The following YES1 variants were observed in gnomAD, a reference collection of about 807,000 sequenced individuals.
The protein encoded by YES1 is tyrosine-protein kinase Yes.
Under a neutral mutation model 70.4 loss-of-function variants are expected in YES1, and 39 were observed. That is an observed-to-expected ratio of 0.55 (90% CI 0.43 to 0.72). The LOEUF (loss-of-function observed/expected upper bound fraction) is 0.72, where lower values mean the gene tolerates loss of function less well. YES1 is among the 30% of genes least tolerant of loss of function. The probability of loss-of-function intolerance (pLI) is 0.00; values close to 1 mark genes in which losing one functional copy is unlikely to be tolerated. For missense variants in YES1, 495 were observed against 644.8 expected (o/e 0.77, Z 2.52); for synonymous variants, 198 against 218.6 (o/e 0.91, Z 0.83).
chr18:806,532 A>G (rs1443023510), intron 1 of YES1, among the ~76,000 whole-genome samples: 1 of 152,226 alleles, frequency 6.6e-6, no homozygotes, highest in Non-Finnish European at 1.5e-5. Context: ...TGTAATTCAT[A>G]TAAATCTGCC....
At chr18:785,258 G>A (rs2145805031) in intron 1 of YES1, among the ~76,000 whole-genome samples, 1 of 152,138 alleles carries the variant, frequency 6.6e-6, no homozygotes, top group South Asian at 2.1e-4. Flanking sequence ...CAAAATGTTG[G>A]ACACTGGTGG....
chr18:786,751 T>G (rs997985562), intron 1 of YES1, among the ~76,000 whole-genome samples: 8 of 152,200 alleles, frequency 5.3e-5, no homozygotes, highest in Admixed American at 1.3e-4. Context: ...CAAGTTTTTA[T>G]ATGGTCAAGC....
At chr18:737,598 C>T (rs958853727) in intron 9 of YES1, 6 of 152,200 alleles carry the variant, frequency 3.9e-5, no homozygotes, top group African/African-American at 1.4e-4. Flanking sequence ...TCAGGCACAA[C>T]CTAAGATGAC....
rs879093682 is a variant in YES1 at position 722,035 on chromosome 18, C to CT, written c.*2388_*2389insA. ...AAGTTAGTGTTTTATCCCTACTATA[C>CT]AATTGTTATTATATAAGGAACTGCT... is the stretch of plus-strand genomic sequence containing the variant. On this transcript the variant is annotated 3_prime_UTR_variant, in exon 12 of 12. Coordinates refer to ENST00000314574, the MANE Select transcript of YES1 (RefSeq NM_005433.4). The CT allele has an allele frequency of 2.0e-5, 3 of 152,590 alleles. No individual in the cohort carries two copies. The South Asian group carries it at 6.2e-4, about 32-fold the overall frequency. 9.5% of individuals were successfully genotyped at this position (152,590 alleles called of 1,614,324 possible). A position where few individuals can be genotyped will look rare whatever the true frequency, so the allele number is the denominator to read the frequency against.
intron 11 of YES1, among the ~76,000 whole-genome samples, chr18:730,489 A>C (rs1023362285): frequency 6.6e-6 from 1 of 151,680 alleles, no homozygotes; most frequent in Admixed American, 6.6e-5. Context: ...GGATTATAGG[A>C]GTGAGTCACC....
chr18:722,681 T>C lies in YES1; in HGVS notation c.*1743A>G, dbSNP rs2079967015. 1 of 152,226 alleles carries C rather than the reference T, an allele frequency of 6.6e-6. No individual in the cohort carries two copies. The highest frequency in any genetic ancestry group is 2.1e-4 in the South Asian group (1 of 4,830). 9.4% of individuals were successfully genotyped at this position (152,226 alleles called of 1,614,324 possible). Reference sequence around the variant, plus strand: ...TTTTGTATGTTTCACTTTTGCACTTTAGGGTAAAAACTGTCCCCTTTTCAC... The same window carrying C: ...TTTTGTATGTTTCACTTTTGCACTTCAGGGTAAAAACTGTCCCCTTTTCAC... On this transcript the variant is annotated 3_prime_UTR_variant, in exon 12 of 12. Transcript: ENST00000314574.
chr18:726,490 T>C (rs1294321986), intron 11 of YES1, among the ~76,000 whole-genome samples: 1 of 151,254 alleles, frequency 6.6e-6, no homozygotes, highest in Non-Finnish European at 1.5e-5. Flanking sequence ...TATTAAATTA[T>C]TTGATGCCAG....
chr18:755,155 T>C (rs1263426289), intron 2 of YES1, among the ~76,000 whole-genome samples: 1 of 152,158 alleles, frequency 6.6e-6, no homozygotes, highest in East Asian at 1.9e-4. Flanking sequence ...TATTCAGAAT[T>C]AGGGGGCTGG....
chr18:792,279 G>A (rs535282350), intron 1 of YES1, among the ~76,000 whole-genome samples: 233 of 152,098 alleles, frequency 1.5e-3, no homozygotes, highest in African/African-American at 5.3e-3. Flanking sequence ...ACTCCAGCCT[G>A]GATGACAGAG....
chr18:757,776 C>T (rs1207172831), intron 1 of YES1, among the ~76,000 whole-genome samples: 1 of 151,236 alleles, frequency 6.6e-6, no homozygotes, highest in Non-Finnish European at 1.5e-5. Flanking sequence ...AAGCTGACAT[C>T]GTGCCAGTGC....
intron 1 of YES1, among the ~76,000 whole-genome samples, chr18:789,972 TGCTTGAACCAGGGA>T (rs1407315221): frequency 6.6e-6 from 1 of 152,168 alleles, no homozygotes; most frequent in African/African-American, 2.4e-5. Context: ...GCAGGAGAAC[TGCTTGAACCAGGGA>T]GGTTGAGGAT....
chr18:767,426 C>T (rs9962212), intron 1 of YES1, among the ~76,000 whole-genome samples: 3,949 of 152,254 alleles, frequency 0.026, 181 homozygotes, highest in African/African-American at 0.09. Flanking sequence ...GATGGGATTA[C>T]AGACATAAGC....
At chr18:807,027 C>T (rs1453881081) in intron 1 of YES1, among the ~76,000 whole-genome samples, 6 of 152,154 alleles carry the variant, frequency 3.9e-5, no homozygotes, top group Non-Finnish European at 5.9e-5. Flanking sequence ...CCCAGCATTT[C>T]GGGAGGCCCA....
At chr18:806,721 T>G (rs1463540698) in intron 1 of YES1, among the ~76,000 whole-genome samples, 1 of 152,220 alleles carries the variant, frequency 6.6e-6, no homozygotes, top group Non-Finnish European at 1.5e-5. Context: ...ACATAAGTGT[T>G]TTGTGGGAGC....
At chr18:757,083 G>A (rs1468325958) in intron 1 of YES1, among the ~76,000 whole-genome samples, 1 of 152,162 alleles carries the variant, frequency 6.6e-6, no homozygotes, top group Non-Finnish European at 1.5e-5. Flanking sequence ...ATGACAACAT[G>A]CCACAGTATA....
chr18:783,196 A>T (rs1905763180), intron 1 of YES1, among the ~76,000 whole-genome samples: 1 of 152,186 alleles, frequency 6.6e-6, no homozygotes. Flanking sequence ...CTGCCTGGGC[A>T]AAATAGCTAG....
chr18:754,590 TATCTC>T (rs1376303299), intron 2 of YES1, among the ~76,000 whole-genome samples: 2 of 151,812 alleles, frequency 1.3e-5, no homozygotes, highest in Non-Finnish European at 2.9e-5. Flanking sequence ...TGTTTCTTGT[TATCTC>T]AGCTACTCGG....
chr18:802,224 G>C (rs974548881), intron 1 of YES1, among the ~76,000 whole-genome samples: 1 of 152,094 alleles, frequency 6.6e-6, no homozygotes, highest in African/African-American at 2.4e-5. Flanking sequence ...ACTCCAGCCT[G>C]GGCAAACACA....
intron 1 of YES1, among the ~76,000 whole-genome samples, chr18:766,941 C>T (rs887555413): frequency 6.6e-6 from 1 of 152,144 alleles, no homozygotes; most frequent in Non-Finnish European, 1.5e-5. Context: ...ATTTCCATAA[C>T]AGTATCCTTG....
Sources: allele counts gnomAD v4.1 joint callset (sites outside exome capture counted in the v4.1 genomes callset), GRCh38; gene constraint gnomAD v4.1.1; transcripts MANE v1.5; gene names NCBI Gene and HGNC (gene_info 2026-07-23, HGNC 2026-07-21).